The following TENM3 variants were observed in gnomAD, a reference collection of about 807,000 sequenced individuals.
The protein encoded by TENM3 is teneurin-3.
In TENM3, 63 loss-of-function variants were observed where a neutral mutation model predicts 255.1. The observed-to-expected ratio is 0.25, with a 90% CI of 0.20 to 0.30. The LOEUF is 0.30. Ranked by LOEUF, TENM3 falls within the 10% of genes least tolerant of loss-of-function variation. TENM3 has a pLI of 1.00. For missense variants in TENM3, 2,929 were observed against 3,461.1 expected (o/e 0.85, Z 3.86); for synonymous variants, 1,306 against 1,322.3 (o/e 0.99, Z 0.27).
the TENM3 span, among the ~76,000 whole-genome samples, chr4:181,517,222 G>A: frequency 6.6e-6 from 1 of 152,092 alleles, no homozygotes; most frequent in African/African-American, 2.4e-5. Flanking sequence ...AGCAGATGAT[G>A]AGGCCTTTTC....
the TENM3 span, among the ~76,000 whole-genome samples, chr4:181,572,005 C>T: frequency 6.6e-6 from 1 of 152,146 alleles, no homozygotes; most frequent in Admixed American, 6.6e-5. Context: ...AAGAAGCAGG[C>T]ATTTTTATCG....
upstream of TENM3, among the ~76,000 whole-genome samples, chr4:182,139,833 C>T (rs1450140): frequency 6.6e-6 from 1 of 151,998 alleles, no homozygotes; most frequent in African/African-American, 2.4e-5. Flanking sequence ...GCGTAAGGCC[C>T]GGTTTACACC....
At chr4:182,753,213 G>C (rs1180083041) in intron 20 of TENM3, among the ~76,000 whole-genome samples, 3 of 152,266 alleles carry the variant, frequency 2.0e-5, no homozygotes, top group South Asian at 4.1e-4. Context: ...CTCGCAAAGT[G>C]CTAGGATTGC....
Position 182,679,314 on chromosome 4 carries a change from G to A in TENM3, c.1327-352G>A, listed in dbSNP as rs575518259. Reference sequence around the variant, plus strand: ...TATGAATTTAATGCATTAAAAATAAGCCTGCTGGATTGGAAATGTCAGTTC... The same window carrying A: ...TATGAATTTAATGCATTAAAAATAAACCTGCTGGATTGGAAATGTCAGTTC... On this transcript the variant is annotated intron_variant, in intron 7 of 27. Coordinates refer to ENST00000511685, the MANE Select transcript of TENM3 (RefSeq NM_001080477.4). Among the ~76,000 whole-genome samples the A allele has an allele frequency of 5.3e-5, 8 of 152,244 alleles. No homozygotes were observed. The East Asian group carries it at 1.5e-3, about 29-fold the overall frequency.
At chr4:181,632,554 G>A in the TENM3 span, among the ~76,000 whole-genome samples, 6 of 152,178 alleles carry the variant, frequency 3.9e-5, no homozygotes. Context: ...AAAATGAGAG[G>A]AGATCTATAT....
the TENM3 span, among the ~76,000 whole-genome samples, chr4:182,080,050 T>G: frequency 1.0e-2 from 1,520 of 152,324 alleles, 30 homozygotes; most frequent in African/African-American, 0.034. Context: ...AACAATCCAC[T>G]CGTCTTAACC....
chr4:181,964,105 C>T, the TENM3 span, among the ~76,000 whole-genome samples: 8 of 150,050 alleles, frequency 5.3e-5, no homozygotes, highest in African/African-American at 9.8e-5. Context: ...CAAAAGTCCC[C>T]GGGGATTAAG....
intron 3 of TENM3, among the ~76,000 whole-genome samples, chr4:182,490,126 A>G (rs986826112): frequency 6.6e-6 from 1 of 152,102 alleles, no homozygotes; most frequent in African/African-American, 2.4e-5. Flanking sequence ...TCCTCTAGAA[A>G]CTCATGACCA....
At chr4:181,696,862 C>T in the TENM3 span, among the ~76,000 whole-genome samples, 1 of 152,156 alleles carries the variant, frequency 6.6e-6, no homozygotes, top group Admixed American at 6.5e-5. Flanking sequence ...ACTCTGACCC[C>T]ACAAAGGTAT....
chr4:182,478,545 C>T (rs767667260), intron 3 of TENM3, among the ~76,000 whole-genome samples: 2 of 151,734 alleles, frequency 1.3e-5, no homozygotes, highest in African/African-American at 2.4e-5. Context: ...TAGCCCTCAC[C>T]GTGAGTCTTC....
chr4:182,293,362 G>T (rs949814311), intron 1 of TENM3, among the ~76,000 whole-genome samples: 6 of 152,138 alleles, frequency 3.9e-5, no homozygotes, highest in Non-Finnish European at 5.9e-5. Flanking sequence ...AGTCCACATG[G>T]TTTTAGAAGC....
At chr4:182,578,694 G>C (rs145515784) in intron 3 of TENM3, among the ~76,000 whole-genome samples, 5 of 152,212 alleles carry the variant, frequency 3.3e-5, no homozygotes, top group East Asian at 3.9e-4. Context: ...ATCTCCCTCT[G>C]ACTTCTTTTC....
chr4:182,722,333 A>G (rs1759801728), intron 13 of TENM3, among the ~76,000 whole-genome samples: 2 of 151,988 alleles, frequency 1.3e-5, no homozygotes, highest in Non-Finnish European at 2.9e-5. Flanking sequence ...TGTGCTTCTA[A>G]GCCTTTTCAA....
At chr4:181,888,544 A>ATT in the TENM3 span, among the ~76,000 whole-genome samples, 1 of 115,660 alleles carries the variant, frequency 8.6e-6, no homozygotes, top group African/African-American at 3.3e-5. Context: ...GTGTATATAT[A>ATT]TATATGTATA....
the TENM3 span, among the ~76,000 whole-genome samples, chr4:181,502,820 G>T: frequency 6.6e-6 from 1 of 152,166 alleles, no homozygotes; most frequent in Non-Finnish European, 1.5e-5. Flanking sequence ...CCAGCGTCAG[G>T]TAGGTGGCCT....
chr4:182,029,506 G>GC, the TENM3 span, among the ~76,000 whole-genome samples: 1 of 150,994 alleles, frequency 6.6e-6, no homozygotes, highest in Non-Finnish European at 1.5e-5. Context: ...TATGTATGTG[G>GC]GTCATCCAAC....
chr4:182,038,159 T>C, the TENM3 span, among the ~76,000 whole-genome samples: 1 of 152,208 alleles, frequency 6.6e-6, no homozygotes, highest in South Asian at 2.1e-4. Flanking sequence ...AGAGGTGAGT[T>C]GGCTCTAGAA....
At chr4:182,487,832 A>G (rs970452399) in intron 3 of TENM3, among the ~76,000 whole-genome samples, 1 of 152,216 alleles carries the variant, frequency 6.6e-6, no homozygotes, top group African/African-American at 2.4e-5. Flanking sequence ...GTGGGTGAAC[A>G]TAGTACGTAT....
chr4:181,450,061 A>G, the TENM3 span, among the ~76,000 whole-genome samples: 3 of 152,198 alleles, frequency 2.0e-5, no homozygotes, highest in Non-Finnish European at 4.4e-5. Context: ...ATGCATTTAA[A>G]TGTTATCTTT....
Sources: allele counts gnomAD v4.1 joint callset (sites outside exome capture counted in the v4.1 genomes callset), GRCh38; gene constraint gnomAD v4.1.1; transcripts MANE v1.5; gene names NCBI Gene and HGNC (gene_info 2026-07-23, HGNC 2026-07-21).